PDE9A: variants seen among roughly 807,000 people sequenced by gnomAD.
The protein encoded by PDE9A is phosphodiesterase 9A.
Under a neutral mutation model 87.4 loss-of-function variants are expected in PDE9A, and 60 were observed. The observed-to-expected ratio is 0.69, with a 90% CI of 0.56 to 0.85. The LOEUF (loss-of-function observed/expected upper bound fraction) is 0.85. Among genes scored for constraint, PDE9A ranks in the 40% least tolerant of loss-of-function variants. The pLI, the probability that PDE9A is intolerant of heterozygous loss-of-function variation, is 0.00. For missense variants in PDE9A, 665 were observed against 779.0 expected (o/e 0.85, Z 1.74); for synonymous variants, 272 against 279.4 (o/e 0.97, Z 0.27).
chr21:42,685,847 A>G (rs2059431713), intron 1 of PDE9A, among the ~76,000 whole-genome samples: 1 of 152,116 alleles, frequency 6.6e-6, no homozygotes, highest in Admixed American at 6.5e-5. Context: ...ATACTTGAAG[A>G]CCCGGTGCCA....
chr21:42,712,819 T>C (rs530686262), intron 4 of PDE9A, among the ~76,000 whole-genome samples: 87 of 152,366 alleles, frequency 5.7e-4, no homozygotes, highest in African/African-American at 2.0e-3. Context: ...TGTTTTCTAA[T>C]GGTTTTGTCC....
rs948153631 is a variant in PDE9A, at chr21:42,720,351, G to A, written c.263-11419G>A. On this transcript the variant is annotated intron_variant, in intron 4 of 19. Coordinates refer to ENST00000291539, the MANE Select transcript of PDE9A (RefSeq NM_002606.3). ...TCTACTAAAAATACAAAAATTAGCC[G>A]GGCATGGTCACGCATGCCTGTAATC... is the stretch of plus-strand genomic sequence containing the variant. Among the ~76,000 whole-genome samples, 7 of 151,920 alleles carry A rather than the reference G, an allele frequency of 4.6e-5. No individual in the cohort carries two copies. In the East Asian group the frequency reaches 7.8e-4, roughly 17 times the overall value.
intron 8 of PDE9A, among the ~76,000 whole-genome samples, chr21:42,744,575 C>T (rs2053649781): frequency 6.6e-6 from 1 of 152,192 alleles, no homozygotes; most frequent in Non-Finnish European, 1.5e-5. Context: ...CACTGGGTTG[C>T]ATTCCAGCGA....
chr21:42,698,290 G>C (rs189116386), intron 3 of PDE9A, among the ~76,000 whole-genome samples: 4 of 152,334 alleles, frequency 2.6e-5, no homozygotes, highest in African/African-American at 7.2e-5. Flanking sequence ...TCAAGGAATA[G>C]CATCTGCCTG....
chr21:42,693,570 G>A (rs1169978200), intron 3 of PDE9A, among the ~76,000 whole-genome samples: 3 of 150,340 alleles, frequency 2.0e-5, no homozygotes, highest in South Asian at 4.2e-4. Context: ...GATTACAGGC[G>A]TGAGCCACCG....
chr21:42,693,455 C>T (rs923958348), intron 3 of PDE9A, among the ~76,000 whole-genome samples: 4 of 151,836 alleles, frequency 2.6e-5, no homozygotes, highest in African/African-American at 9.7e-5. Context: ...CCCGCCACCA[C>T]GCCCAGCTAA....
chr21:42,697,362 A>G, intron 3 of PDE9A: 1 of 1,108,104 alleles, frequency 9.0e-7, no homozygotes, highest in South Asian at 1.3e-5. Flanking sequence ...GTTAATCACC[A>G]TGAACAGCTT....
At position 42,692,153 on chromosome 21, in the gene PDE9A, C is replaced by T. The variant is rs914218177; in HGVS notation, c.218+4159C>T. On this transcript the variant is annotated intron_variant, in intron 3 of 19. Transcript: ENST00000291539. The surrounding 1 kb of genome is among the most constrained non-coding windows in gnomAD (Gnocchi z 4.3). ...CTCTGCTGGATTTCCAGCCCCTAAA[C>T]GAGGCGGGGCATGCTGGGTGCAGGA... Among the ~76,000 whole-genome samples, 16 of 152,330 alleles carry T rather than the reference C, an allele frequency of 1.1e-4. No homozygotes were observed. The East Asian group carries it at 1.9e-3, about 18-fold the overall frequency.
In PDE9A at chr21:42,705,655, C is replaced by T. The variant is rs912005479; in HGVS notation, c.262+6644C>T. Reference sequence around the variant, plus strand: ...ACACGCCAGGACGGCCCCCCACGGCCCAAGTCCTATAGGAGAGCCAGGGGC... The same window carrying T: ...ACACGCCAGGACGGCCCCCCACGGCTCAAGTCCTATAGGAGAGCCAGGGGC... On this transcript the variant is annotated intron_variant, in intron 4 of 19. Transcript: ENST00000291539. This position sits in a 1 kb window ranked among gnomAD's most constrained non-coding sequence, Gnocchi z 4.3. Among the ~76,000 whole-genome samples, 2 of 152,136 alleles carry T rather than the reference C, an allele frequency of 1.3e-5. No homozygotes were observed. The highest frequency in any genetic ancestry group is 1.5e-5 in the Non-Finnish European group (1 of 68,018).
intron 1 of PDE9A, among the ~76,000 whole-genome samples, chr21:42,679,388 A>G (rs1378233427): frequency 1.4e-5 from 2 of 141,606 alleles, no homozygotes; most frequent in Admixed American, 1.4e-4. Context: ...CAGCGGCTGG[A>G]GTCCTGGTGG....
rs550999250 is a variant in PDE9A at position 42,661,442 on chromosome 21, A to T, written c.69+7559A>T. On this transcript the variant is annotated intron_variant, in intron 1 of 19. Transcript: ENST00000291539. ...ACTGTACATTCCGCTTTCTATCTCC[A>T]TGAAACTGCTGAGTGCGGGGACCTC... is the stretch of plus-strand genomic sequence containing the variant. 9.3e-5 allele frequency among the ~76,000 whole-genome samples: 10 copies of T among 107,036 alleles called. No homozygotes were observed. The South Asian group carries it at 3.2e-3, about 35-fold the overall frequency. 70.2% of individuals were successfully genotyped at this position (107,036 alleles called of 152,430 possible). A position where few individuals can be genotyped will look rare whatever the true frequency, so the allele number is the denominator to read the frequency against.
At chr21:42,762,047 G>T (rs766470473) in intron 13 of PDE9A, 36 bp from the exon 14 acceptor site, 36 of 1,596,434 alleles carry the variant, frequency 2.3e-5, no homozygotes, top group Non-Finnish European at 2.7e-5. Flanking sequence ...TGGTGAGGGC[G>T]CCTGAGTCTC....
rs2060108903 is a variant in PDE9A at position 42,695,732 on chromosome 21, A to G, written c.219-3236A>G. Among the ~76,000 whole-genome samples the G allele has an allele frequency of 6.6e-6, 1 of 152,246 alleles. No individual in the cohort carries two copies. The highest frequency in any genetic ancestry group is 1.5e-5 in the Non-Finnish European group (1 of 68,048). Reference sequence around the variant, plus strand: ...AGAGCCCAGGCAGTTAGATCTTAGAAAAAGACAAATACAGTAGAAGCTGGA... The same window carrying G: ...AGAGCCCAGGCAGTTAGATCTTAGAGAAAGACAAATACAGTAGAAGCTGGA... On this transcript the variant is annotated intron_variant, in intron 3 of 19. Transcript: ENST00000291539. This position sits in a 1 kb window ranked among gnomAD's most constrained non-coding sequence, Gnocchi z 4.3.
rs150114155 is a variant in PDE9A at position 42,764,172 on chromosome 21, G to A, written c.1243-1209G>A. 2.2e-4 allele frequency among the ~76,000 whole-genome samples: 34 copies of A among 152,334 alleles called. No homozygotes were observed. The East Asian group carries it at 3.1e-3, about 14-fold the overall frequency. On this transcript the variant is annotated intron_variant, in intron 14 of 19. Transcript: ENST00000291539. ...GACAGCCGCACCTCAGAACCCACTCGGCGCTGACATACGGCGGCAGCGCTC... is the reference window on the plus strand; with the variant it reads ...GACAGCCGCACCTCAGAACCCACTCAGCGCTGACATACGGCGGCAGCGCTC...
chr21:42,721,454 C>A (rs2050519759), intron 4 of PDE9A, among the ~76,000 whole-genome samples: 2 of 152,238 alleles, frequency 1.3e-5, no homozygotes, highest in South Asian at 4.1e-4. Context: ...TAGACTTATG[C>A]AATCCCTTGG....
intron 1 of PDE9A, among the ~76,000 whole-genome samples, chr21:42,661,328 C>T (rs916256879): frequency 4.9e-4 from 70 of 142,230 alleles, no homozygotes; most frequent in African/African-American, 1.5e-3. Context: ...CACGCCCAGC[C>T]TTTTTTTTTT....
intron 4 of PDE9A, among the ~76,000 whole-genome samples, chr21:42,729,753 T>G (rs1174765440): frequency 6.6e-6 from 1 of 152,242 alleles, no homozygotes; most frequent in Non-Finnish European, 1.5e-5. Flanking sequence ...GACTTCCTCT[T>G]TGACCCTTAA....
chr21:42,771,994 T>A (rs1300587779), intron 18 of PDE9A, among the ~76,000 whole-genome samples: 3 of 152,162 alleles, frequency 2.0e-5, no homozygotes, highest in African/African-American at 7.2e-5. Flanking sequence ...TCTGCCTCTC[T>A]CGTGGGCCCT....
rs950986543 is a variant in PDE9A at position 42,704,601 on chromosome 21, C to T, written c.262+5590C>T. Among the ~76,000 whole-genome samples the T allele has an allele frequency of 1.8e-4, 27 of 152,342 alleles. No individual in the cohort carries two copies. The highest frequency in any genetic ancestry group is 3.4e-3 in the Middle Eastern group (1 of 294). ...GCCTTGGGTCCCAGAGCCACTGAGC[C>T]GTGGCCCAAGGTCAGGAGTTAGCTC... On this transcript the variant is annotated intron_variant, in intron 4 of 19. Coordinates refer to ENST00000291539, the MANE Select transcript of PDE9A (RefSeq NM_002606.3). This position sits in a 1 kb window ranked among gnomAD's most constrained non-coding sequence, Gnocchi z 5.3.
Sources: gnomAD v4.1 joint callset for allele counts (sites outside exome capture counted in the v4.1 genomes callset) on GRCh38, gnomAD v4.1.1 for gene constraint, Gnocchi (gnomAD v3.1) non-coding constraint, MANE v1.5 for transcripts, NCBI Gene and HGNC (gene_info 2026-07-23, HGNC 2026-07-21) for gene names.